The following POLR3A variants were observed in gnomAD, a reference collection of about 807,000 sequenced individuals.
POLR3A encodes the protein RNA polymerase III subunit A.
A neutral mutation model predicts 152.8 loss-of-function variants in POLR3A; 112 were observed. The observed-to-expected ratio is 0.73, with a 90% confidence interval of 0.63 to 0.86. The LOEUF (loss-of-function observed/expected upper bound fraction) is 0.86. Ranked by LOEUF, POLR3A falls within the 40% of genes least tolerant of loss-of-function variation. The pLI is 0.00. For missense variants in POLR3A, 1,385 were observed against 1,743.1 expected (o/e 0.79, Z 3.66); for synonymous variants, 615 against 652.1 (o/e 0.94, Z 0.87).
At chr10:77,994,885 G>A (rs1169308192) in intron 19 of POLR3A, among the ~76,000 whole-genome samples, 4 of 152,202 alleles carry the variant, frequency 2.6e-5, no homozygotes, top group Non-Finnish European at 2.9e-5. Context: ...TGAAATGAAG[G>A]AAAAAATGTT....
intron 20 of POLR3A, among the ~76,000 whole-genome samples, chr10:77,991,790 A>G (rs1054431924): frequency 3.3e-5 from 5 of 152,106 alleles, no homozygotes; most frequent in African/African-American, 1.2e-4. Flanking sequence ...CTCCCAAAGG[A>G]CTAGGATTAC....
At chr10:78,004,679 G>A (rs1288153372) in intron 16 of POLR3A, 37 bp downstream of exon 16, 6 of 1,569,544 alleles carry the variant, frequency 3.8e-6, no homozygotes, top group Admixed American at 3.4e-5. Flanking sequence ...CACTGTGCAC[G>A]GCAAGTGGCG....
At chr10:77,983,848 G>A in intron 26 of POLR3A, 72 bp downstream of exon 26, 1 of 915,592 alleles carries the variant, frequency 1.1e-6, no homozygotes, top group Non-Finnish European at 1.8e-6. Context: ...CTTAGCTCTT[G>A]CCCTAGTTTA....
intron 18 of POLR3A, among the ~76,000 whole-genome samples, chr10:78,000,617 C>T (rs1847347765): frequency 6.6e-6 from 1 of 152,236 alleles, no homozygotes; most frequent in Admixed American, 6.5e-5. Flanking sequence ...GATTAACAGT[C>T]ACTGAACTGT....
chr10:78,021,690 G>T lies in POLR3A; in HGVS notation c.1049-8C>A, dbSNP rs1362808472. On this transcript the variant is annotated splice_region_variant and splice_polypyrimidine_tract_variant and intron_variant, in intron 7 of 30. Transcript: ENST00000372371. ...GATTTCCTCTAAATCGACCTAAATA[G>T]CCAAAAACATGTCATAGGTCCCCAT... 1 of 1,613,898 alleles carries T rather than the reference G, an allele frequency of 6.2e-7. No individual in the cohort carries two copies. Among genetic ancestry groups the T allele is most frequent in the Non-Finnish European group, 8.5e-7 (1 of 1,180,010 alleles).
chr10:77,980,147 CAG>C lies in POLR3A; in HGVS notation c.4016_4017del (p.Ser1339CysfsTer6). 12 of 1,614,080 alleles carry C rather than the reference CAG, an allele frequency of 7.4e-6. No individual in the cohort carries two copies. The highest frequency in any genetic ancestry group is 1.0e-5 in the Non-Finnish European group (12 of 1,179,932). On this transcript the variant is annotated frameshift_variant, in exon 30 of 31. Coordinates refer to ENST00000372371, the MANE Select transcript of POLR3A (RefSeq NM_007055.4). LOFTEE classifies it high-confidence loss of function. ...ATAGAAACATCAAACCTACCACACA[CAG>C]AGTCCTTCTGCCCGAAGTAGGCAGC... ...FDAAYFGQKD[S>X]VCGVSECIIM...
intron 10 of POLR3A, among the ~76,000 whole-genome samples, chr10:78,016,707 C>T: frequency 7.1e-6 from 1 of 140,736 alleles, no homozygotes; most frequent in African/African-American, 2.8e-5. Context: ...GAGTGAGACT[C>T]TGTCTCAAAA....
At position 77,991,087 on chromosome 10, in the gene POLR3A, A is replaced by G. The variant is rs764765272; in HGVS notation, c.2868T>C (p.Ser956=). ...AGCTGTCCTGGCAGCAGAGGAACTC[A>G]CTCTTCTTCATGATGGACTCTGTGG... ...ILTTESIMKK[S]EFLCCQDSFL... The change falls in exon 21 of 31, where the codon AGT becomes AGC. Residue 956 remains serine (S), a synonymous_variant. Transcript: ENST00000372371. 12 of 1,612,612 alleles carry G rather than the reference A, an allele frequency of 7.4e-6. No homozygotes were observed. Among genetic ancestry groups the G allele is most frequent in the Admixed American group, 1.7e-5 (1 of 59,986 alleles).
chr10:77,981,279 G>T lies in POLR3A; in HGVS notation c.3891+149C>A. On this transcript the variant is annotated intron_variant, in intron 29 of 30. Transcript: ENST00000372371. ...ACACTCAGCCTGACCAGCATACTTT[G>T]GTTTTTGAGCAATGTTCACATCTTA... The T allele has an allele frequency of 4.9e-6, 4 of 814,818 alleles. No homozygotes were observed. The South Asian group carries it at 5.4e-5, about 11-fold the overall frequency. 50.5% of individuals were successfully genotyped at this position (814,818 alleles called of 1,614,324 possible). A position where few individuals can be genotyped will look rare whatever the true frequency, so the allele number is the denominator to read the frequency against.
At chr10:77,985,094 A>C (rs1393564918) in intron 24 of POLR3A, 76 bp downstream of exon 24, 1 of 1,183,574 alleles carries the variant, frequency 8.4e-7, no homozygotes. Flanking sequence ...ACACATATGC[A>C]TGTGACACGG....
chr10:77,983,500 G>A (rs1343618803), intron 26 of POLR3A, among the ~76,000 whole-genome samples: 2 of 152,164 alleles, frequency 1.3e-5, no homozygotes, highest in East Asian at 3.8e-4. Context: ...ATGCATGCCA[G>A]TTTAAGAAGC....
At chr10:78,009,447 G>T (rs1847442657) in intron 14 of POLR3A, 90 bp downstream of exon 14, 4 of 1,563,934 alleles carry the variant, frequency 2.6e-6, no homozygotes, top group African/African-American at 1.4e-5. Flanking sequence ...GAATTTGCTT[G>T]CTTCGCGAAG....
At chr10:78,011,150 ATTG>A (rs928962898) in intron 11 of POLR3A, among the ~76,000 whole-genome samples, 18 of 152,098 alleles carry the variant, frequency 1.2e-4, no homozygotes, top group African/African-American at 3.6e-4. Flanking sequence ...ACCCAGCCCT[ATTG>A]TTATTACTAT....
intron 17 of POLR3A, among the ~76,000 whole-genome samples, chr10:78,001,779 G>A (rs1200445300): frequency 6.6e-6 from 1 of 151,950 alleles, no homozygotes; most frequent in African/African-American, 2.4e-5. Flanking sequence ...GGGACGACAG[G>A]CACAAGCCAC....
At chr10:77,983,069 G>T (rs914194268) in intron 26 of POLR3A, among the ~76,000 whole-genome samples, 1 of 152,130 alleles carries the variant, frequency 6.6e-6, no homozygotes, top group East Asian at 1.9e-4. Context: ...TTCATGCTCA[G>T]TTCATGGCAA....
chr10:77,999,743 C>T (rs1021932234), intron 19 of POLR3A, among the ~76,000 whole-genome samples: 9 of 152,234 alleles, frequency 5.9e-5, no homozygotes, highest in African/African-American at 1.9e-4. Context: ...TCTCCTCTAA[C>T]AGCGCTTTGC....
At chr10:77,983,887 G>A (rs1457387482) in intron 26 of POLR3A, 33 bp downstream of exon 26, 2 of 1,350,950 alleles carry the variant, frequency 1.5e-6, no homozygotes, top group African/African-American at 2.9e-5. Flanking sequence ...CTAACAGGAT[G>A]ACTTCCTCTC....
intron 16 of POLR3A, 145 bp downstream of exon 16, chr10:78,004,571 C>G (rs1264633352): frequency 2.9e-6 from 2 of 689,200 alleles, no homozygotes; most frequent in African/African-American, 3.5e-5. Context: ...ACAGTGAGCC[C>G]TGGGCCCCAA....
chr10:77,981,300 T>C, intron 29 of POLR3A, 128 bp downstream of exon 29: 2 of 953,490 alleles, frequency 2.1e-6, no homozygotes, highest in South Asian at 1.3e-5. Context: ...AATGTTCACA[T>C]CTTATTTTCT....
Sources: allele counts gnomAD v4.1 joint callset (sites outside exome capture counted in the v4.1 genomes callset), GRCh38; gene constraint gnomAD v4.1.1; transcripts MANE v1.5; gene names NCBI Gene and HGNC (gene_info 2026-07-23, HGNC 2026-07-21).